VSTM2B: variants seen among roughly 807,000 people sequenced by gnomAD.
The protein encoded by VSTM2B is V-set and transmembrane domain containing 2B, also known as V-set and transmembrane domain-containing protein 2B.
VSTM2B carries 24 observed loss-of-function variants against 24.0 expected under a neutral mutation model. The observed-to-expected ratio is 1.00, with a 90% confidence interval of 0.72 to 1.40. The LOEUF (loss-of-function observed/expected upper bound fraction) is 1.40, where lower values mean the gene tolerates loss of function less well. Among genes scored for constraint, VSTM2B ranks in the 40% most tolerant of loss-of-function variants. The pLI, the probability that VSTM2B is intolerant of heterozygous loss-of-function variation, is 0.00. For missense variants in VSTM2B, 399 were observed against 416.4 expected (o/e 0.96, Z 0.36); for synonymous variants, 226 against 194.4 (o/e 1.16, Z -1.35).
intron 3 of VSTM2B, 136 bp downstream of exon 3, chr19:29,528,598 C>G: frequency 2.7e-6 from 3 of 1,118,230 alleles, no homozygotes; most frequent in South Asian, 1.5e-5. Context: ...AGCCTTGCAT[C>G]GGTGGCTGCT....
chr19:29,561,247 G>A lies in VSTM2B; in HGVS notation c.770-2599G>A, dbSNP rs755066548. ...GAATCACTTGAACCTGGGAGGCAGA[G>A]GTTGCAGTGAGCTGAGGTCACACCA... On this transcript the variant is annotated intron_variant, in intron 4 of 4. Coordinates refer to ENST00000335523, the MANE Select transcript of VSTM2B (RefSeq NM_001146339.2). Among the ~76,000 whole-genome samples the A allele has an allele frequency of 1.1e-3, 160 of 152,132 alleles. 2 individuals are homozygous for A. Among genetic ancestry groups the A allele is most frequent in the Non-Finnish European group, 2.0e-3 (139 of 68,032 alleles).
intron 4 of VSTM2B, among the ~76,000 whole-genome samples, chr19:29,537,611 T>G (rs891233003): frequency 1.3e-5 from 2 of 151,898 alleles, no homozygotes; most frequent in Non-Finnish European, 2.9e-5. Flanking sequence ...TTCTTGCAGT[T>G]CAAGAGGAAC....
intron 4 of VSTM2B, among the ~76,000 whole-genome samples, chr19:29,533,395 G>T (rs1255761098): frequency 6.6e-6 from 1 of 152,146 alleles, no homozygotes; most frequent in Non-Finnish European, 1.5e-5. Flanking sequence ...CCTAACCCTT[G>T]CCAGCTCCTG....
intron 4 of VSTM2B, among the ~76,000 whole-genome samples, chr19:29,549,030 T>C (rs2145497436): frequency 6.6e-6 from 1 of 152,348 alleles, no homozygotes; most frequent in South Asian, 2.1e-4. Flanking sequence ...CCCACCCCAG[T>C]GTTCTGTAGC....
chr19:29,562,654 C>G (rs1599914421), intron 4 of VSTM2B, among the ~76,000 whole-genome samples: 1 of 152,138 alleles, frequency 6.6e-6, no homozygotes, highest in East Asian at 1.9e-4. Context: ...TTTGGCAGCA[C>G]CAAGGATCGT....
At chr19:29,530,439 C>CA in intron 4 of VSTM2B, 149 bp downstream of exon 4, 2 of 604,390 alleles carry the variant, frequency 3.3e-6, no homozygotes, top group South Asian at 2.6e-5. Context: ...GGGAGCGCCC[C>CA]CCCCAGGGCC....
At chr19:29,561,350 G>A (rs1301830723) in intron 4 of VSTM2B, among the ~76,000 whole-genome samples, 5 of 151,152 alleles carry the variant, frequency 3.3e-5, no homozygotes, top group Admixed American at 6.6e-5. Flanking sequence ...AAGGCCAGGC[G>A]TGGTGACTCA....
intron 4 of VSTM2B, among the ~76,000 whole-genome samples, chr19:29,550,020 C>T (rs1015243633): frequency 6.6e-6 from 1 of 152,252 alleles, no homozygotes; most frequent in African/African-American, 2.4e-5. Context: ...TTGTTTCATT[C>T]TTAGATGACA....
intron 4 of VSTM2B, among the ~76,000 whole-genome samples, chr19:29,534,175 C>A (rs1000158084): frequency 3.3e-5 from 5 of 152,160 alleles, no homozygotes; most frequent in African/African-American, 1.2e-4. Context: ...CATCAGCAGA[C>A]CTAGCCTAAA....
chr19:29,531,661 G>C (rs1356677220), intron 4 of VSTM2B, among the ~76,000 whole-genome samples: 1 of 152,212 alleles, frequency 6.6e-6, no homozygotes, highest in African/African-American at 2.4e-5. Flanking sequence ...TGCCACACAG[G>C]AGCCCACAAG....
intron 1 of VSTM2B, 142 bp from the exon 2 acceptor site, chr19:29,527,069 G>C (rs1017841243): frequency 1.6e-5 from 12 of 742,984 alleles, no homozygotes; most frequent in Non-Finnish European, 2.6e-5. Flanking sequence ...AACTTTGCTA[G>C]CCCCTCCGGC....
At chr19:29,562,110 G>T (rs1303087213) in intron 4 of VSTM2B, among the ~76,000 whole-genome samples, 1 of 152,192 alleles carries the variant, frequency 6.6e-6, no homozygotes, top group East Asian at 1.9e-4. Flanking sequence ...CACCCACTTT[G>T]CATTCGGATG....
chr19:29,528,305 C>A, intron 2 of VSTM2B, 128 bp from the exon 3 acceptor site: 11 of 1,177,080 alleles, frequency 9.3e-6, no homozygotes, highest in Middle Eastern at 2.2e-4. Flanking sequence ...GTGCCCTCAA[C>A]CCCCATCCCC....
At chr19:29,528,858 C>A (rs1969651608) in intron 3 of VSTM2B, 2 of 961,126 alleles carry the variant, frequency 2.1e-6, no homozygotes, top group Admixed American at 6.1e-5. Flanking sequence ...CCCCTCTGCC[C>A]CGCCCTGAGC....
At chr19:29,560,356 T>A (rs1261848843) in intron 4 of VSTM2B, among the ~76,000 whole-genome samples, 1 of 152,150 alleles carries the variant, frequency 6.6e-6, no homozygotes, top group Non-Finnish European at 1.5e-5. Flanking sequence ...TATGGAGCCA[T>A]GCACATCCCA....
intron 4 of VSTM2B, among the ~76,000 whole-genome samples, chr19:29,555,988 AG>A (rs1391820689): frequency 6.6e-6 from 1 of 152,178 alleles, no homozygotes; most frequent in Admixed American, 6.5e-5. Flanking sequence ...TACAAAGAGG[AG>A]CTGTTACCAT....
chr19:29,540,658 T>TTCAA (rs1168902581), intron 4 of VSTM2B, among the ~76,000 whole-genome samples: 1 of 152,252 alleles, frequency 6.6e-6, no homozygotes, highest in Non-Finnish European at 1.5e-5. Flanking sequence ...CATTCATTCA[T>TTCAA]TCAATCATTC....
At chr19:29,527,430 C>G (rs1374199025) in intron 2 of VSTM2B, 35 bp downstream of exon 2, 2 of 1,426,846 alleles carry the variant, frequency 1.4e-6, no homozygotes, top group East Asian at 2.8e-5. Flanking sequence ...GGCGCGCGCC[C>G]GGCTCGCGCC....
chr19:29,540,412 G>C (rs1385443705), intron 4 of VSTM2B, among the ~76,000 whole-genome samples: 2 of 152,240 alleles, frequency 1.3e-5, no homozygotes, highest in Non-Finnish European at 2.9e-5. Context: ...GTGGGGCCAG[G>C]GTGGGCTGGT....
Sources: gnomAD v4.1 joint callset for allele counts (sites outside exome capture counted in the v4.1 genomes callset) on GRCh38, gnomAD v4.1.1 for gene constraint, MANE v1.5 for transcripts, NCBI Gene and HGNC (gene_info 2026-07-23, HGNC 2026-07-21) for gene names.